The following ZNF469 variants were observed in gnomAD, a reference collection of about 807,000 sequenced individuals.
ZNF469 encodes the protein zinc finger protein 469.
In ZNF469, 1 loss-of-function variant was observed where a neutral mutation model predicts 1.0. That is an observed-to-expected ratio of 1.00 (90% CI 0.35 to 4.73). The LOEUF is 4.73. Ranked by LOEUF, ZNF469 falls within the 30% of genes most tolerant of loss-of-function variation. The pLI is 0.16. For missense variants in ZNF469, 6,100 were observed against 5,356.3 expected, an observed-to-expected ratio of 1.14 and a Z score of -4.33; for synonymous variants, 2,703 against 2,363.4, an observed-to-expected ratio of 1.14 and a Z score of -4.17.
At chr16:88,364,587 A>T in the ZNF469 span, among the ~76,000 whole-genome samples, 1 of 151,470 alleles carries the variant, frequency 6.6e-6, no homozygotes, top group Admixed American at 6.6e-5. Flanking sequence ...TCTTTCCATT[A>T]GAGTCTTCCA....
chr16:88,393,966 G>T (rs376419334), intron 1 of ZNF469, among the ~76,000 whole-genome samples: 1 of 152,202 alleles, frequency 6.6e-6, no homozygotes, highest in South Asian at 2.1e-4. Context: ...CAGGAGGGGG[G>T]TTTGACACGT....
At chr16:88,353,838 G>A in the ZNF469 span, among the ~76,000 whole-genome samples, 2 of 152,184 alleles carry the variant, frequency 1.3e-5, no homozygotes, top group Admixed American at 1.3e-4. Context: ...TCCGGCAGCT[G>A]GAAGGACCAG....
rs985213215 is a variant in ZNF469 at position 88,436,937 on chromosome 16, G to A, written c.9467G>A (p.Arg3156Gln). Residue 3156 changes from arginine to glutamine, a missense_variant, in exon 3 of 3, where the codon CGG becomes CAG. Physicochemically the swap from Arg to Gln is conservative, Grantham distance 43. Coordinates refer to ENST00000565624, the MANE Select transcript of ZNF469 (RefSeq NM_001367624.2). ...YMCVERRFGS[R>Q]ELLRGHLQER... ...TGCGTGGAGCGCAGGTTTGGCTCGC[G>A]GGAGCTGCTGCGGGGGCACCTGCAG... 9 of 1,492,750 alleles carry A rather than the reference G, an allele frequency of 6.0e-6. No individual in the cohort carries two copies. Among genetic ancestry groups the A allele is most frequent in the Admixed American group, 2.2e-5 (1 of 45,926 alleles). 92.5% of individuals were successfully genotyped at this position (1,492,750 alleles called of 1,614,324 possible).
rs571456481 is a variant in ZNF469 at position 88,418,965 on chromosome 16, C to A, written c.-191-5842C>A. ...CCCTGTGCTTTTCTCCTGGGCTGCT[C>A]GGCTCCACCAGGGTTTGGGGTGAGC... On this transcript the variant is annotated intron_variant, in intron 1 of 2. Coordinates refer to ENST00000565624, the MANE Select transcript of ZNF469 (RefSeq NM_001367624.2). 2.0e-5 allele frequency among the ~76,000 whole-genome samples: 3 copies of A among 152,348 alleles called. No homozygotes were observed. The East Asian group carries it at 5.8e-4, about 29-fold the overall frequency.
At chr16:88,274,861 C>T in the ZNF469 span, among the ~76,000 whole-genome samples, 2 of 152,346 alleles carry the variant, frequency 1.3e-5, no homozygotes, top group Admixed American at 1.3e-4. Flanking sequence ...GGTTCGCAGA[C>T]GGACACTGGC....
the ZNF469 span, among the ~76,000 whole-genome samples, chr16:88,215,954 A>G: frequency 6.6e-6 from 1 of 152,050 alleles, no homozygotes; most frequent in African/African-American, 2.4e-5. Context: ...ATTCCTTCAT[A>G]TTTGTCCACA....
In ZNF469 at chr16:88,427,790, G is replaced by T. The variant is rs1386480681; in HGVS notation, c.320G>T (p.Arg107Met). The change falls in exon 3 of 3, where the codon AGG becomes ATG. Residue 107 changes from arginine to methionine, a missense_variant. Transcript: ENST00000565624. ...PGRSPLQAPSRLAGRAEGSPP... is the reference protein window; with the variant it reads ...PGRSPLQAPSMLAGRAEGSPP... ...AGAAGCCCCTTGCAGGCTCCCTCAA[G>T]GCTGGCGGGCAGGGCAGAGGGCAGC... is the stretch of plus-strand genomic sequence containing the variant. 1.3e-6 allele frequency: 2 copies of T among 1,547,316 alleles called. No individual in the cohort carries two copies. The highest frequency in any genetic ancestry group is 4.9e-5 in the East Asian group (2 of 40,902).
At chr16:88,392,502 G>T (rs556414623) in intron 1 of ZNF469, among the ~76,000 whole-genome samples, 1 of 152,204 alleles carries the variant, frequency 6.6e-6, no homozygotes, top group Non-Finnish European at 1.5e-5. Context: ...AAATAGGGTC[G>T]GTGGGCCTGG....
the ZNF469 span, among the ~76,000 whole-genome samples, chr16:88,313,353 C>T: frequency 6.6e-6 from 1 of 152,196 alleles, no homozygotes; most frequent in Non-Finnish European, 1.5e-5. Flanking sequence ...ATTTTCTCTG[C>T]TCTTTTTCAA....
the ZNF469 span, among the ~76,000 whole-genome samples, chr16:88,320,496 G>A: frequency 6.6e-6 from 1 of 152,134 alleles, no homozygotes; most frequent in African/African-American, 2.4e-5. Context: ...CAATTCTTCT[G>A]CCTCAGCCTC....
rs58401704 is a variant in ZNF469 at position 88,429,504 on chromosome 16, C to G, written c.2034C>G (p.Ala678=). ...AFPFPADGLG[A]EGAFQCLEET... is the part of the protein sequence containing the mutation. ...CTTTTCCCGCAGATGGGCTGGGAGC[C>G]GAGGGTGCCTTCCAGTGCCTGGAGG... The change falls in exon 3 of 3, where the codon GCC becomes GCG. Residue 678 remains alanine (A), a synonymous_variant. Coordinates refer to ENST00000565624, the MANE Select transcript of ZNF469 (RefSeq NM_001367624.2). 3 of 1,550,086 alleles carry G rather than the reference C, an allele frequency of 1.9e-6. No homozygotes were observed. Among genetic ancestry groups the G allele is most frequent in the Non-Finnish European group, 2.6e-6 (3 of 1,146,856 alleles).
the ZNF469 span, among the ~76,000 whole-genome samples, chr16:88,151,693 G>C: frequency 7.5e-4 from 114 of 152,174 alleles, no homozygotes; most frequent in Middle Eastern, 3.2e-3. This position sits in a 1 kb window ranked among gnomAD's most constrained non-coding sequence, Gnocchi z 5.4. Context: ...ACCCTCAGTT[G>C]GCTGCTGCTG....
chr16:88,373,704 A>C, the ZNF469 span, among the ~76,000 whole-genome samples: 1 of 152,172 alleles, frequency 6.6e-6, no homozygotes, highest in Admixed American at 6.5e-5. Context: ...GTTTTGGAAG[A>C]GAGAAGAAAC....
chr16:88,133,849 T>C, the ZNF469 span, among the ~76,000 whole-genome samples: 4,920 of 151,678 alleles, frequency 0.032, no homozygotes, highest in African/African-American at 0.11. Context: ...ATCCCAGCAC[T>C]GTGGGAGGCC....
At chr16:88,151,324 C>T in the ZNF469 span, among the ~76,000 whole-genome samples, 2 of 152,250 alleles carry the variant, frequency 1.3e-5, no homozygotes, top group African/African-American at 4.8e-5. The surrounding 1 kb of genome is among the most constrained non-coding windows in gnomAD (Gnocchi z 5.4). Context: ...ACGTGGTCAG[C>T]CAGCCTGATG....
Position 88,437,067 on chromosome 16 carries a change from C to G in ZNF469, c.9597C>G (p.Val3199=), listed in dbSNP as rs1906637170. The G allele has an allele frequency of 6.5e-7, 1 of 1,540,360 alleles. No individual in the cohort carries two copies. The highest frequency in any genetic ancestry group is 2.5e-5 in the East Asian group (1 of 40,776). Residue 3199 remains valine, a synonymous_variant, in exon 3 of 3, where the codon GTC becomes GTG. Coordinates refer to ENST00000565624, the MANE Select transcript of ZNF469 (RefSeq NM_001367624.2). ...ACGAGCACCTGCGTGAGCACGCGGT[C>G]CGCTTCGCCCGCAGGGGGCAGGCGC... ...MYNEHLREHA[V]RFARRGQARR...
rs140480823 is a variant in ZNF469, at chr16:88,430,284, G to C, written c.2814G>C (p.Ala938=). The C allele has an allele frequency of 1.3e-6, 2 of 1,514,332 alleles. No homozygotes were observed. Among genetic ancestry groups the C allele is most frequent in the Non-Finnish European group, 1.8e-6 (2 of 1,133,308 alleles). 93.8% of individuals were successfully genotyped at this position (1,514,332 alleles called of 1,614,324 possible). The change falls in exon 3 of 3, where the codon GCG becomes GCC. Residue 938 remains alanine, a synonymous_variant. Transcript: ENST00000565624. Reference sequence around the variant, plus strand: ...GTCTGGCCCCCACCGAGGCGGATGCGCCCAGCCAGGGCAGGCAGCAGAGGA... The same window carrying C: ...GTCTGGCCCCCACCGAGGCGGATGCCCCCAGCCAGGGCAGGCAGCAGAGGA... ...SLGLAPTEAD[A]PSQGRQQRRG... is the part of the protein sequence containing the mutation.
rs1286676930 is a variant in ZNF469, at chr16:88,383,246, G to A, written c.-200G>A. Among the ~76,000 whole-genome samples the A allele has an allele frequency of 2.0e-5, 3 of 147,142 alleles. No homozygotes were observed. Among genetic ancestry groups the A allele is most frequent in the Admixed American group, 2.0e-4 (3 of 14,834 alleles). ...CGGCGTGGCGGGCGGAGCGGGCCTC[G>A]GAGCGGAGGTGAGTGCGGATGCGCC... is the stretch of plus-strand genomic sequence containing the variant. On this transcript the variant is annotated 5_prime_UTR_variant, in exon 1 of 3. Coordinates refer to ENST00000565624, the MANE Select transcript of ZNF469 (RefSeq NM_001367624.2).
the ZNF469 span, among the ~76,000 whole-genome samples, chr16:88,235,130 T>C: frequency 6.6e-6 from 1 of 152,106 alleles, no homozygotes; most frequent in Non-Finnish European, 1.5e-5. Flanking sequence ...TTCTTGAGAC[T>C]GGTTGACAAG....
Sources: gnomAD v4.1 joint callset for allele counts (sites outside exome capture counted in the v4.1 genomes callset) on GRCh38, gnomAD v4.1.1 for gene constraint, Gnocchi (gnomAD v3.1) non-coding constraint, MANE v1.5 for transcripts, NCBI Gene and HGNC (gene_info 2026-07-23, HGNC 2026-07-21) for gene names.